The following TNIK variants were observed in gnomAD, a reference collection of about 807,000 sequenced individuals.
The protein encoded by TNIK is TRAF2 and NCK interacting kinase, also known as TRAF2 and NCK-interacting protein kinase.
TNIK carries 49 observed loss-of-function variants against 191.3 expected under a neutral mutation model. The observed-to-expected ratio is 0.26, with a 90% CI of 0.20 to 0.32. The LOEUF (loss-of-function observed/expected upper bound fraction) is 0.32. TNIK is among the 10% of genes least tolerant of loss of function. The pLI is 1.00. For missense variants in TNIK, 1,155 were observed against 1,702.3 expected, an observed-to-expected ratio of 0.68 and a Z score of 5.66; for synonymous variants, 594 against 600.9, an observed-to-expected ratio of 0.99 and a Z score of 0.17.
chr3:171,178,821 C>T (rs756273598), intron 7 of TNIK, among the ~76,000 whole-genome samples: 2 of 152,168 alleles, frequency 1.3e-5, no homozygotes, highest in Non-Finnish European at 2.9e-5. Flanking sequence ...AGGTAAGTTT[C>T]CTTGCTATTG....
chr3:171,092,986 C>A (rs1722258683), intron 23 of TNIK, among the ~76,000 whole-genome samples: 2 of 152,188 alleles, frequency 1.3e-5, no homozygotes, highest in Admixed American at 1.3e-4. Flanking sequence ...GCTTAATTTA[C>A]TAACTCAATA....
chr3:171,363,177 C>T (rs1209277685), intron 2 of TNIK, among the ~76,000 whole-genome samples: 1 of 152,112 alleles, frequency 6.6e-6, no homozygotes, highest in Admixed American at 6.5e-5. Context: ...ACAGTACAGC[C>T]CCCACAACAA....
chr3:171,456,946 G>C (rs983179195), intron 1 of TNIK, among the ~76,000 whole-genome samples: 14 of 152,186 alleles, frequency 9.2e-5, no homozygotes, highest in African/African-American at 1.4e-4. Context: ...CCTTGTTACT[G>C]TGTGACCTTG....
chr3:171,301,390 C>T (rs759712117), intron 2 of TNIK, among the ~76,000 whole-genome samples: 1 of 150,864 alleles, frequency 6.6e-6, no homozygotes, highest in African/African-American at 2.4e-5. Context: ...TCTCTGCTCA[C>T]TGCAACCTCC....
rs548078955 is a variant in TNIK, at chr3:171,271,930, A to G, written c.124-43709T>C. On this transcript the variant is annotated intron_variant, in intron 2 of 32. Coordinates refer to ENST00000436636, the MANE Select transcript of TNIK (RefSeq NM_015028.4). ...AGATTCTTGCCTGAACCCCTTAAAG[A>G]ATTAAAGTCTGCTTTATGTGCTTTC... Among the ~76,000 whole-genome samples, 8 of 152,360 alleles carry G rather than the reference A, an allele frequency of 5.3e-5. No individual in the cohort carries two copies. In the South Asian group the frequency reaches 1.7e-3, roughly 32 times the overall value.
intron 2 of TNIK, among the ~76,000 whole-genome samples, chr3:171,351,895 A>C (rs1240349123): frequency 1.3e-5 from 2 of 152,200 alleles, no homozygotes; most frequent in Non-Finnish European, 2.9e-5. Context: ...GGTGCATTTC[A>C]GGCACCCTGC....
chr3:171,339,016 C>T (rs1443209813), intron 2 of TNIK, among the ~76,000 whole-genome samples: 5 of 152,166 alleles, frequency 3.3e-5, no homozygotes. Flanking sequence ...CCATGATGTT[C>T]GTCTTTCTTT....
At chr3:171,238,856 C>T (rs999525021) in intron 2 of TNIK, among the ~76,000 whole-genome samples, 2 of 152,202 alleles carry the variant, frequency 1.3e-5, no homozygotes, top group Non-Finnish European at 2.9e-5. Context: ...TAGAATCTTA[C>T]ATGTAAAATC....
intron 2 of TNIK, among the ~76,000 whole-genome samples, chr3:171,291,351 A>C (rs1751663887): frequency 6.6e-6 from 1 of 152,218 alleles, no homozygotes; most frequent in African/African-American, 2.4e-5. Flanking sequence ...TCCTTGAAAT[A>C]GCCAGGCTTC....
intron 9 of TNIK, among the ~76,000 whole-genome samples, chr3:171,172,048 A>AGTG (rs1394688106): frequency 1.3e-5 from 2 of 152,146 alleles, no homozygotes; most frequent in Non-Finnish European, 2.9e-5. Flanking sequence ...GGCTCCTGTG[A>AGTG]GTGGTGGTGG....
intron 7 of TNIK, 103 bp from the exon 8 acceptor site, chr3:171,177,483 T>C: frequency 2.9e-6 from 4 of 1,396,788 alleles, no homozygotes; most frequent in Non-Finnish European, 3.9e-6. Flanking sequence ...TCATTCAGTT[T>C]TCTGTTTACA....
intron 4 of TNIK, among the ~76,000 whole-genome samples, chr3:171,210,178 G>A (rs1036290051): frequency 2.0e-5 from 3 of 152,138 alleles, no homozygotes; most frequent in African/African-American, 4.8e-5. Flanking sequence ...AAGGAGGGAC[G>A]GAAGGACAGA....
At chr3:171,264,499 G>T (rs1748133932) in intron 2 of TNIK, among the ~76,000 whole-genome samples, 1 of 152,018 alleles carries the variant, frequency 6.6e-6, no homozygotes, top group Non-Finnish European at 1.5e-5. Context: ...AGGATTACAG[G>T]CATGCGCTAC....
At chr3:171,352,511 T>C (rs1713377043) in intron 2 of TNIK, among the ~76,000 whole-genome samples, 1 of 152,234 alleles carries the variant, frequency 6.6e-6, no homozygotes, top group Non-Finnish European at 1.5e-5. Flanking sequence ...ATGTGTTTAA[T>C]ACTCTGCAAA....
chr3:171,210,283 G>A (rs1007740268), intron 4 of TNIK, among the ~76,000 whole-genome samples: 6 of 152,100 alleles, frequency 3.9e-5, no homozygotes, highest in Non-Finnish European at 8.8e-5. Context: ...CCCATACTAG[G>A]GAGGTAATTA....
chr3:171,110,575 G>A, intron 19 of TNIK, 139 bp downstream of exon 19: 1 of 1,127,272 alleles, frequency 8.9e-7, no homozygotes, highest in Non-Finnish European at 1.2e-6. Flanking sequence ...GACTGGGGTT[G>A]AGAGCAGTTG....
chr3:171,339,654 G>C (rs938842051), intron 2 of TNIK, among the ~76,000 whole-genome samples: 13 of 152,218 alleles, frequency 8.5e-5, no homozygotes, highest in African/African-American at 2.9e-4. Flanking sequence ...TGGCCAGGCT[G>C]CTTCTCACTA....
intron 17 of TNIK, 127 bp from the exon 18 acceptor site, chr3:171,123,829 T>A: frequency 1.8e-6 from 1 of 567,202 alleles, no homozygotes; most frequent in Non-Finnish European, 2.9e-6. Flanking sequence ...AAGAACTATC[T>A]TTCATTCATT....
intron 3 of TNIK, among the ~76,000 whole-genome samples, chr3:171,220,446 T>C (rs528541747): frequency 2.0e-5 from 3 of 151,986 alleles, no homozygotes; most frequent in African/African-American, 7.2e-5. Context: ...TAAATAGAAA[T>C]TCAAAATACT....
Sources: gnomAD v4.1 joint callset for allele counts (sites outside exome capture counted in the v4.1 genomes callset) on GRCh38, gnomAD v4.1.1 for gene constraint, MANE v1.5 for transcripts, NCBI Gene and HGNC (gene_info 2026-07-23, HGNC 2026-07-21) for gene names.